UNC13C: variants seen among roughly 807,000 people sequenced by gnomAD.
The protein encoded by UNC13C is protein unc-13 homolog C.
A neutral mutation model predicts 245.4 loss-of-function variants in UNC13C; 174 were observed. That is an observed-to-expected ratio of 0.71 (90% CI 0.63 to 0.80). UNC13C has a LOEUF of 0.80. Among genes scored for constraint, UNC13C ranks in the 30% least tolerant of loss-of-function variants. The probability of loss-of-function intolerance (pLI) is 0.00; values close to 1 mark genes in which losing one functional copy is unlikely to be tolerated. For synonymous variants in UNC13C, 992 were observed against 895.1 expected (o/e 1.11, Z -1.93); for missense variants, 2,829 against 2,602.9 (o/e 1.09, Z -1.89).
chr15:54,484,143 A>C (rs1893281720), intron 19 of UNC13C, among the ~76,000 whole-genome samples: 1 of 152,056 alleles, frequency 6.6e-6, no homozygotes, highest in African/African-American at 2.4e-5. Context: ...TCTTATATGC[A>C]TTCATACCTG....
chr15:53,934,444 T>C, the UNC13C span, among the ~76,000 whole-genome samples: 1 of 152,232 alleles, frequency 6.6e-6, no homozygotes, highest in South Asian at 2.1e-4. Context: ...GCAAATAGTA[T>C]GATTACATGT....
chr15:54,387,914 T>C (rs2039872151), intron 17 of UNC13C, among the ~76,000 whole-genome samples: 1 of 152,192 alleles, frequency 6.6e-6, no homozygotes, highest in African/African-American at 2.4e-5. Context: ...TAATCATTGC[T>C]TAGCTGCCAT....
intron 2 of UNC13C, among the ~76,000 whole-genome samples, chr15:54,038,122 A>AAAAATTTTTTTTTTTTTTTT (rs1896658005): frequency 1.4e-4 from 7 of 50,248 alleles, no homozygotes; most frequent in African/African-American, 6.6e-4. Flanking sequence ...ATATATATAT[A>AAAAATTTTTTTTTTTTTTTT]TATTTTTTTT....
Position 54,145,184 on chromosome 15 carries a change from A to C in UNC13C, c.3071+1500A>C, listed in dbSNP as rs150513782. On this transcript the variant is annotated intron_variant, in intron 4 of 32. Coordinates refer to ENST00000260323, the MANE Select transcript of UNC13C (RefSeq NM_001080534.3). ...ATACATTTATGTACAGTATAAATAG[A>C]AGCAAAATTTAGAGGCATGTTTTAG... 4.2e-3 allele frequency among the ~76,000 whole-genome samples: 633 copies of C among 152,180 alleles called. 7 individuals are homozygous for C. The highest frequency in any genetic ancestry group is 0.015 in the African/African-American group (611 of 41,560).
intron 4 of UNC13C, among the ~76,000 whole-genome samples, chr15:54,180,639 C>T (rs2033766349): frequency 6.6e-6 from 1 of 152,026 alleles, no homozygotes; most frequent in Admixed American, 6.6e-5. Context: ...GATCCCTTTT[C>T]TCTGCATCCT....
intron 4 of UNC13C, among the ~76,000 whole-genome samples, chr15:54,203,361 A>T (rs892416398): frequency 6.6e-6 from 1 of 151,592 alleles, no homozygotes; most frequent in African/African-American, 2.4e-5. Context: ...ACTATACCAA[A>T]AAGATACTTG....
At chr15:53,957,880 A>G in the UNC13C span, among the ~76,000 whole-genome samples, 1 of 152,228 alleles carries the variant, frequency 6.6e-6, no homozygotes, top group Non-Finnish European at 1.5e-5. Flanking sequence ...CTCATAGTCT[A>G]GAGGTTAACA....
At chr15:54,064,165 T>C (rs1176233738) in intron 2 of UNC13C, among the ~76,000 whole-genome samples, 1 of 152,130 alleles carries the variant, frequency 6.6e-6, no homozygotes, top group African/African-American at 2.4e-5. Context: ...ACTTAACCTA[T>C]AAAGGTCAAG....
intron 26 of UNC13C, among the ~76,000 whole-genome samples, chr15:54,545,821 C>A (rs917623306): frequency 1.3e-5 from 2 of 152,106 alleles, no homozygotes; most frequent in Middle Eastern, 3.2e-3. Context: ...CAGGAAATCA[C>A]GGATGCTGGA....
intron 4 of UNC13C, among the ~76,000 whole-genome samples, chr15:54,167,757 T>TA (rs534429388): frequency 7.3e-5 from 11 of 151,386 alleles, no homozygotes; most frequent in East Asian, 3.9e-4. Flanking sequence ...GCAGGGTATA[T>TA]AAAAAAAATC....
At chr15:54,364,014 C>A (rs1049848941) in intron 17 of UNC13C, among the ~76,000 whole-genome samples, 6 of 151,950 alleles carry the variant, frequency 3.9e-5, no homozygotes, top group Non-Finnish European at 4.4e-5. Context: ...TAATTTGGGG[C>A]GAATTACATC....
intron 4 of UNC13C, among the ~76,000 whole-genome samples, chr15:54,233,950 G>A (rs947509665): frequency 5.9e-5 from 9 of 152,050 alleles, no homozygotes; most frequent in Non-Finnish European, 1.3e-4. Flanking sequence ...CATCTTGTTG[G>A]TTATATTAAA....
the UNC13C span, among the ~76,000 whole-genome samples, chr15:53,922,844 GTTGGA>G: frequency 6.6e-6 from 1 of 152,166 alleles, no homozygotes; most frequent in South Asian, 2.1e-4. Context: ...TACCAGAAAA[GTTGGA>G]TTGAACTAGG....
At chr15:54,247,676 T>TC (rs1293208938) in intron 7 of UNC13C, among the ~76,000 whole-genome samples, 1 of 152,124 alleles carries the variant, frequency 6.6e-6, no homozygotes, top group African/African-American at 2.4e-5. Flanking sequence ...TTAATGTTTT[T>TC]CTCTAACTTT....
At chr15:54,057,572 G>T (rs1452466141) in intron 2 of UNC13C, among the ~76,000 whole-genome samples, 1 of 152,032 alleles carries the variant, frequency 6.6e-6, no homozygotes, top group Non-Finnish European at 1.5e-5. Context: ...AGTTAACCAG[G>T]ATATCCAGGA....
chr15:54,124,025 A>G (rs2030860936), intron 2 of UNC13C, among the ~76,000 whole-genome samples: 1 of 152,166 alleles, frequency 6.6e-6, no homozygotes, highest in Non-Finnish European at 1.5e-5. Context: ...GCATGTATCA[A>G]TAGTTCATTT....
intron 17 of UNC13C, among the ~76,000 whole-genome samples, chr15:54,382,265 A>G (rs886136186): frequency 6.6e-6 from 1 of 152,186 alleles, no homozygotes; most frequent in Non-Finnish European, 1.5e-5. Context: ...AGGAAAGTTT[A>G]TAGCACCAAA....
At chr15:54,528,618 T>A (rs1250740134) in intron 25 of UNC13C, among the ~76,000 whole-genome samples, 1 of 152,066 alleles carries the variant, frequency 6.6e-6, no homozygotes, top group Non-Finnish European at 1.5e-5. Context: ...TCACACCCCT[T>A]GTCCAGTCTG....
At chr15:53,876,709 T>A in the UNC13C span, among the ~76,000 whole-genome samples, 1 of 152,310 alleles carries the variant, frequency 6.6e-6, no homozygotes, top group African/African-American at 2.4e-5. Context: ...AAAGTGGGTA[T>A]AAACTGTTAT....
Sources: gnomAD v4.1 joint callset for allele counts (sites outside exome capture counted in the v4.1 genomes callset) on GRCh38, gnomAD v4.1.1 for gene constraint, MANE v1.5 for transcripts, NCBI Gene and HGNC (gene_info 2026-07-23, HGNC 2026-07-21) for gene names.